Variants in SLC35F1 observed in about 807,000 individuals in gnomAD.
SLC35F1 encodes the protein chromosome 6 open reading frame 169.
In SLC35F1, 14 loss-of-function variants were observed where a neutral mutation model predicts 48.7. The observed-to-expected ratio is 0.29, with a 90% CI of 0.19 to 0.45. The LOEUF (loss-of-function observed/expected upper bound fraction) is 0.45, where lower values mean the gene tolerates loss of function less well. Among genes scored for constraint, SLC35F1 ranks in the 20% least tolerant of loss-of-function variants. SLC35F1 has a pLI of 1.00. For synonymous variants in SLC35F1, 190 were observed against 202.2 expected, an observed-to-expected ratio of 0.94 and a Z score of 0.51; for missense variants, 404 against 500.0, an observed-to-expected ratio of 0.81 and a Z score of 1.83.
chr6:118,062,597 G>A (rs1053675337), intron 1 of SLC35F1, among the ~76,000 whole-genome samples: 3 of 151,994 alleles, frequency 2.0e-5, no homozygotes, highest in South Asian at 2.1e-4. Context: ...TAAAAATAAC[G>A]GCAACAGTCT....
intron 1 of SLC35F1, among the ~76,000 whole-genome samples, chr6:118,112,663 G>A (rs1005964102): frequency 6.6e-6 from 1 of 152,024 alleles, no homozygotes; most frequent in African/African-American, 2.4e-5. Context: ...ACTTGGATTA[G>A]TCATTAATGT....
intron 1 of SLC35F1, among the ~76,000 whole-genome samples, chr6:118,138,307 C>CA (rs56094377): frequency 0.032 from 4,115 of 127,848 alleles, 133 homozygotes; most frequent in African/African-American, 0.085. Context: ...ACTCCCACCT[C>CA]AAAAAAAAAA....
At chr6:118,213,420 A>G (rs558497660) in intron 2 of SLC35F1, among the ~76,000 whole-genome samples, 11 of 152,332 alleles carry the variant, frequency 7.2e-5, no homozygotes, top group African/African-American at 2.4e-4. Context: ...ATAAATTCAT[A>G]TACTTTGGGG....
intron 1 of SLC35F1, among the ~76,000 whole-genome samples, chr6:118,063,558 C>T (rs1646366052): frequency 1.3e-5 from 2 of 152,034 alleles, no homozygotes; most frequent in South Asian, 2.1e-4. Context: ...AGAAATGGGT[C>T]AAAAGCCATC....
At chr6:118,047,633 T>C (rs139558920) in intron 1 of SLC35F1, among the ~76,000 whole-genome samples, 83 of 152,272 alleles carry the variant, frequency 5.5e-4, no homozygotes, top group Middle Eastern at 3.4e-3. Context: ...CTAACATCCA[T>C]CTTTGTAATA....
At chr6:117,979,806 C>T (rs1382616412) in intron 1 of SLC35F1, among the ~76,000 whole-genome samples, 1 of 152,182 alleles carries the variant, frequency 6.6e-6, no homozygotes, top group Non-Finnish European at 1.5e-5. Flanking sequence ...TGTTCCTTAA[C>T]TTGTATCCAT....
chr6:118,222,034 T>G (rs953344647), intron 2 of SLC35F1, among the ~76,000 whole-genome samples: 2 of 152,216 alleles, frequency 1.3e-5, no homozygotes, highest in African/African-American at 4.8e-5. Flanking sequence ...ATGTTTTTCT[T>G]AAGTTCTTTT....
At chr6:117,928,859 G>A (rs907873948) in intron 1 of SLC35F1, among the ~76,000 whole-genome samples, 4 of 152,142 alleles carry the variant, frequency 2.6e-5, no homozygotes, top group Admixed American at 2.0e-4. Flanking sequence ...GGTAGTTACG[G>A]TGATTGTGAA....
chr6:117,994,210 C>CCA (rs1003540068), intron 1 of SLC35F1, among the ~76,000 whole-genome samples: 4 of 151,996 alleles, frequency 2.6e-5, no homozygotes, highest in African/African-American at 7.3e-5. Context: ...TTGCCCCCCC[C>CCA]ATCCTCAACA....
intron 1 of SLC35F1, among the ~76,000 whole-genome samples, chr6:118,119,572 C>T (rs546844849): frequency 7.5e-4 from 100 of 132,868 alleles, no homozygotes; most frequent in Middle Eastern, 5.3e-3. Flanking sequence ...TGGCGTATTT[C>T]GGCTCACTGC....
At chr6:118,104,102 C>T (rs960863742) in intron 1 of SLC35F1, among the ~76,000 whole-genome samples, 26 of 112,238 alleles carry the variant, frequency 2.3e-4, no homozygotes, top group Admixed American at 1.7e-3. Context: ...CCCTCCCCTT[C>T]CCTTCCCTTC....
intron 1 of SLC35F1, among the ~76,000 whole-genome samples, chr6:118,070,253 C>T (rs931104193): frequency 2.2e-4 from 33 of 151,632 alleles, no homozygotes. Flanking sequence ...CAAACTGCTT[C>T]TCTCTTTTAC....
intron 1 of SLC35F1, among the ~76,000 whole-genome samples, chr6:117,949,313 G>T (rs1487737396): frequency 6.6e-6 from 1 of 152,120 alleles, no homozygotes; most frequent in South Asian, 2.1e-4. Flanking sequence ...GTCTTAACAT[G>T]CTTCTCCAGT....
intron 2 of SLC35F1, among the ~76,000 whole-genome samples, chr6:118,216,154 T>C (rs938004720): frequency 6.6e-6 from 1 of 151,248 alleles, no homozygotes; most frequent in East Asian, 1.9e-4. Flanking sequence ...CACAGTTCAC[T>C]GCAACCTTGT....
intron 1 of SLC35F1, among the ~76,000 whole-genome samples, chr6:118,040,124 T>C (rs1043393492): frequency 1.3e-5 from 2 of 152,162 alleles, no homozygotes; most frequent in Non-Finnish European, 2.9e-5. Flanking sequence ...ATTAAATGTT[T>C]CCTTCTCTGT....
chr6:117,908,231 A>C (rs1367743491), intron 1 of SLC35F1, among the ~76,000 whole-genome samples: 1 of 151,056 alleles, frequency 6.6e-6, no homozygotes, highest in African/African-American at 2.4e-5. Context: ...TCCCTCTCGC[A>C]CCCCGGCTTT....
chr6:117,929,766 A>T (rs143075906), intron 1 of SLC35F1, among the ~76,000 whole-genome samples: 1 of 152,186 alleles, frequency 6.6e-6, no homozygotes, highest in African/African-American at 2.4e-5. Context: ...AATGACATCT[A>T]TAAAATACCT....
At chr6:117,969,488 G>A (rs1421846979) in intron 1 of SLC35F1, among the ~76,000 whole-genome samples, 3 of 152,126 alleles carry the variant, frequency 2.0e-5, no homozygotes, top group Non-Finnish European at 2.9e-5. Flanking sequence ...ATAAACCCAG[G>A]CCAAGGAGGT....
chr6:117,964,653 C>T (rs947480988), intron 1 of SLC35F1, among the ~76,000 whole-genome samples: 1 of 152,182 alleles, frequency 6.6e-6, no homozygotes, highest in African/African-American at 2.4e-5. Context: ...CTGGAGGACC[C>T]TGAGGGCTTC....
Sources: gnomAD v4.1 joint callset for allele counts (sites outside exome capture counted in the v4.1 genomes callset) on GRCh38, gnomAD v4.1.1 for gene constraint, MANE v1.5 for transcripts, NCBI Gene and HGNC (gene_info 2026-07-23, HGNC 2026-07-21) for gene names.